RRP15: variants seen among roughly 807,000 people sequenced by gnomAD.
The protein encoded by RRP15 is ribosomal RNA processing 15 homolog, also known as RRP15-like protein.
Under a neutral mutation model 27.1 loss-of-function variants are expected in RRP15, and 18 were observed. The ratio of observed to expected loss-of-function variants is 0.66; its 90% CI spans 0.46 to 0.98. RRP15 has a LOEUF of 0.98. Ranked by LOEUF, RRP15 falls within the 50% of genes least tolerant of loss-of-function variation. The probability of loss-of-function intolerance (pLI) is 0.00; values close to 1 mark genes in which losing one functional copy is unlikely to be tolerated. For synonymous variants in RRP15, 107 were observed against 109.4 expected (o/e 0.98, Z 0.14); for missense variants, 359 against 337.8 (o/e 1.06, Z -0.49).
intron 1 of RRP15, among the ~76,000 whole-genome samples, chr1:218,288,733 G>C (rs182708755): frequency 6.6e-6 from 1 of 152,190 alleles, no homozygotes; most frequent in Non-Finnish European, 1.5e-5. Flanking sequence ...GGAAAGAAAG[G>C]ATTGGGGACA....
Position 218,337,025 on chromosome 1 carries a change from G to C in RRP15, c.*5934G>C, listed in dbSNP as rs555165605. The C allele has an allele frequency of 6.6e-6, 1 of 152,292 alleles. No individual in the cohort carries two copies. The highest frequency in any genetic ancestry group is 2.1e-4 in the South Asian group (1 of 4,822). The allele number at this position is 152,292 out of a possible 1,614,324, so 9.4% of individuals were successfully genotyped here. A position where few individuals can be genotyped will look rare whatever the true frequency, so the allele number is the denominator to read the frequency against. On this transcript the variant is annotated 3_prime_UTR_variant, in exon 5 of 5. Coordinates refer to ENST00000366932, the MANE Select transcript of RRP15 (RefSeq NM_016052.4). ...CAGAGTTCAGTTTTGAGTCCTACTA[G>C]TTTTGTTTCCTTGTGTAAGTTTCTT...
At chr1:218,300,907 G>A (rs142380320) in intron 1 of RRP15, among the ~76,000 whole-genome samples, 16 of 152,258 alleles carry the variant, frequency 1.1e-4, no homozygotes, top group Admixed American at 3.9e-4. Flanking sequence ...GTTCTGATCC[G>A]GGTGGGTGGA....
intron 4 of RRP15, among the ~76,000 whole-genome samples, chr1:218,318,772 C>T (rs951100704): frequency 6.6e-6 from 1 of 151,382 alleles, no homozygotes; most frequent in Admixed American, 6.6e-5. Flanking sequence ...GGTGCACCCT[C>T]CCCACCTCCC....
chr1:218,294,969 A>G (rs887307050), intron 1 of RRP15, among the ~76,000 whole-genome samples: 1 of 152,202 alleles, frequency 6.6e-6, no homozygotes, highest in African/African-American at 2.4e-5. Context: ...TAAGTAATAT[A>G]TAAATGACAA....
rs1296679618 is a variant in RRP15, at chr1:218,333,884, G to C, written c.*2793G>C. The C allele has an allele frequency of 6.6e-6, 1 of 151,900 alleles. No homozygotes were observed. The allele number at this position is 151,900 out of a possible 1,614,324, so 9.4% of individuals were successfully genotyped here. ...ACATAACACCTAGGATTTTATTTTT[G>C]GTAACTACTTAGAATAATATAGTAG... On this transcript the variant is annotated 3_prime_UTR_variant, in exon 5 of 5. Transcript: ENST00000366932.
chr1:218,293,304 C>T (rs2102492671), intron 1 of RRP15, among the ~76,000 whole-genome samples: 1 of 152,212 alleles, frequency 6.6e-6, no homozygotes, highest in African/African-American at 2.4e-5. Flanking sequence ...TGCTGTTTTC[C>T]GCTCATGAAA....
Position 218,285,302 on chromosome 1 carries a change from T to C in RRP15, c.-15T>C. 1 of 1,613,074 alleles carries C rather than the reference T, an allele frequency of 6.2e-7. No individual in the cohort carries two copies. The highest frequency in any genetic ancestry group is 8.5e-7 in the Non-Finnish European group (1 of 1,179,656). On this transcript the variant is annotated 5_prime_UTR_variant, in exon 1 of 5. Transcript: ENST00000366932. ...ACCGGACGCAACTGTCAGGTGACGC[T>C]TCCGGCGCAGAAAAATGGCAGCCGC... is the stretch of plus-strand genomic sequence containing the variant.
intron 1 of RRP15, among the ~76,000 whole-genome samples, chr1:218,289,737 C>T (rs1655604716): frequency 1.3e-5 from 2 of 152,158 alleles, no homozygotes; most frequent in Admixed American, 1.3e-4. Context: ...GGCTGGAGTG[C>T]AATGGTATGA....
chr1:218,303,607 C>G (rs78675254), intron 2 of RRP15, among the ~76,000 whole-genome samples: 6,491 of 152,182 alleles, frequency 0.043, 469 homozygotes, highest in African/African-American at 0.15. Context: ...TCAAAAATAT[C>G]AGAATCTTTG....
intron 1 of RRP15, among the ~76,000 whole-genome samples, chr1:218,290,953 A>T (rs1414599065): frequency 1.3e-5 from 2 of 151,898 alleles, no homozygotes; most frequent in African/African-American, 4.8e-5. Context: ...ACATAGTGAG[A>T]CCCCGTCACT....
Position 218,333,218 on chromosome 1 carries a change from A to T in RRP15, c.*2127A>T, listed in dbSNP as rs545915381. On this transcript the variant is annotated 3_prime_UTR_variant, in exon 5 of 5. Coordinates refer to ENST00000366932, the MANE Select transcript of RRP15 (RefSeq NM_016052.4). Reference sequence around the variant, plus strand: ...AATGTATCACTTCTGTTAGAAGGCTATGAAGTATATATAAATTATATGACA... The same window carrying T: ...AATGTATCACTTCTGTTAGAAGGCTTTGAAGTATATATAAATTATATGACA... 6.6e-6 allele frequency: 1 copy of T among 152,210 alleles called. No homozygotes were observed. The highest frequency in any genetic ancestry group is 1.5e-5 in the Non-Finnish European group (1 of 68,026). 9.4% of individuals were successfully genotyped at this position (152,210 alleles called of 1,614,324 possible).
intron 1 of RRP15, among the ~76,000 whole-genome samples, chr1:218,294,649 G>GTT (rs139444345): frequency 1.3e-5 from 2 of 148,706 alleles, no homozygotes; most frequent in Non-Finnish European, 3.0e-5. Context: ...TCTGAACCCT[G>GTT]TTTTTTTTTT....
chr1:218,328,640 G>A lies in RRP15; in HGVS notation c.706-2308G>A, dbSNP rs533253810. Among the ~76,000 whole-genome samples, 6 of 152,058 alleles carry A rather than the reference G, an allele frequency of 3.9e-5. No individual in the cohort carries two copies. In the South Asian group the frequency reaches 1.3e-3, roughly 32 times the overall value. ...ATTGCGCCACTGCACTCCAGCCTGG[G>A]CGACAGAGCGAGACTCCGTCTCAAA... On this transcript the variant is annotated intron_variant, in intron 4 of 4. Coordinates refer to ENST00000366932, the MANE Select transcript of RRP15 (RefSeq NM_016052.4).
At chr1:218,322,750 G>A (rs143387138) in intron 4 of RRP15, among the ~76,000 whole-genome samples, 3 of 152,130 alleles carry the variant, frequency 2.0e-5, no homozygotes, top group African/African-American at 7.2e-5. Flanking sequence ...CTTGGGTGTC[G>A]CTTCACCAGC....
At chr1:218,330,563 G>A (rs759040373) in intron 4 of RRP15, among the ~76,000 whole-genome samples, 4 of 151,974 alleles carry the variant, frequency 2.6e-5, no homozygotes. Context: ...GAAATAATTT[G>A]CCCAAAATTT....
chr1:218,312,172 G>T (rs1373975176), intron 4 of RRP15, among the ~76,000 whole-genome samples: 1 of 152,132 alleles, frequency 6.6e-6, no homozygotes, highest in Non-Finnish European at 1.5e-5. Context: ...TACCTAGTTT[G>T]TAGCAATTTG....
At chr1:218,318,674 G>C (rs1228593893) in intron 4 of RRP15, among the ~76,000 whole-genome samples, 1 of 152,028 alleles carries the variant, frequency 6.6e-6, no homozygotes, top group Non-Finnish European at 1.5e-5. Context: ...AACACATCAG[G>C]AGACACATTA....
At chr1:218,301,447 AAG>A (rs1655809877) in intron 1 of RRP15, 1 of 152,202 alleles carries the variant, frequency 6.6e-6, no homozygotes. Flanking sequence ...GAAGGTGAAA[AAG>A]AGCTGCTCAG....
At chr1:218,304,219 G>A (rs750620540) in intron 2 of RRP15, among the ~76,000 whole-genome samples, 29 of 152,184 alleles carry the variant, frequency 1.9e-4, no homozygotes, top group Non-Finnish European at 2.6e-4. Context: ...TAATAAAAAC[G>A]TTGTCTTTAT....
Sources: allele counts gnomAD v4.1 joint callset (sites outside exome capture counted in the v4.1 genomes callset), GRCh38; gene constraint gnomAD v4.1.1; transcripts MANE v1.5; gene names NCBI Gene and HGNC (gene_info 2026-07-23, HGNC 2026-07-21).